The following MSANTD2 variants were observed in gnomAD, a reference collection of about 807,000 sequenced individuals.
MSANTD2 encodes the protein myb/SANT-like DNA-binding domain-containing protein 2.
MSANTD2 carries 19 observed loss-of-function variants against 52.6 expected under a neutral mutation model. The ratio of observed to expected loss-of-function variants is 0.36; its 90% CI spans 0.25 to 0.53. The LOEUF is 0.53. Among genes scored for constraint, MSANTD2 ranks in the 20% least tolerant of loss-of-function variants. The pLI, the probability that MSANTD2 is intolerant of heterozygous loss-of-function variation, is 0.91. For synonymous variants in MSANTD2, 291 were observed against 289.7 expected (o/e 1.00, Z -0.04); for missense variants, 558 against 716.3 (o/e 0.78, Z 2.52).
At position 124,779,558 on chromosome 11, in the gene MSANTD2, T is replaced by C. The variant is rs1186194899; in HGVS notation, c.511-4584A>G. Among the ~76,000 whole-genome samples the C allele has an allele frequency of 6.6e-6, 1 of 152,232 alleles. No homozygotes were observed. The highest frequency in any genetic ancestry group is 1.5e-5 in the Non-Finnish European group (1 of 68,040). ...GAACAGAAATAAGGCATAACAGCTATATAAATGTATTGTTTAGAAAACATT... is the reference window on the plus strand; with the variant it reads ...GAACAGAAATAAGGCATAACAGCTACATAAATGTATTGTTTAGAAAACATT... On this transcript the variant is annotated intron_variant, in intron 1 of 3. Coordinates refer to ENST00000374979, the MANE Select transcript of MSANTD2 (RefSeq NM_001308027.2). The surrounding 1 kb of genome is among the most constrained non-coding windows in gnomAD (Gnocchi z 4.6).
intron 1 of MSANTD2, chr11:124,791,384 C>T (rs748662327): frequency 4.4e-6 from 6 of 1,360,674 alleles, no homozygotes; most frequent in East Asian, 2.3e-5. Flanking sequence ...TCATTACGGG[C>T]TACATCATCA....
At chr11:124,787,932 A>G (rs186330875) in intron 1 of MSANTD2, among the ~76,000 whole-genome samples, 1 of 152,036 alleles carries the variant, frequency 6.6e-6, no homozygotes, top group African/African-American at 2.4e-5. Flanking sequence ...CATCTCTACA[A>G]AAAAATACAA....
At chr11:124,795,220 TGATTCAGAAAAGGCAA>T (rs796701652) in intron 1 of MSANTD2, among the ~76,000 whole-genome samples, 21 of 152,312 alleles carry the variant, frequency 1.4e-4, no homozygotes, top group African/African-American at 5.1e-4. Flanking sequence ...CGACCAGCAC[TGATTCAGAAAAGGCAA>T]GTCTTTTAGG....
At chr11:124,785,165 T>C (rs561281883) in intron 1 of MSANTD2, among the ~76,000 whole-genome samples, 1 of 152,218 alleles carries the variant, frequency 6.6e-6, no homozygotes, top group Non-Finnish European at 1.5e-5. Flanking sequence ...AATGACCATA[T>C]GAAAAAATAT....
chr11:124,790,063 T>C (rs958791297), intron 1 of MSANTD2: 1 of 152,266 alleles, frequency 6.6e-6, no homozygotes, highest in African/African-American at 2.4e-5. Flanking sequence ...ATTACACAGA[T>C]ACAATTTTCC....
chr11:124,798,937 T>C (rs781100753), intron 1 of MSANTD2, among the ~76,000 whole-genome samples: 2 of 152,316 alleles, frequency 1.3e-5, no homozygotes, highest in African/African-American at 4.8e-5. Flanking sequence ...TTAACTAAAA[T>C]ACAACTCCTT....
intron 1 of MSANTD2, chr11:124,791,421 G>A (rs1366177244): frequency 3.8e-6 from 5 of 1,332,868 alleles, no homozygotes; most frequent in Non-Finnish European, 4.3e-6. Context: ...TGTACAGGGT[G>A]AGTGAGAAGC....
At chr11:124,796,259 A>C (rs1032850502) in intron 1 of MSANTD2, among the ~76,000 whole-genome samples, 2 of 152,224 alleles carry the variant, frequency 1.3e-5, no homozygotes, top group Admixed American at 6.5e-5. Flanking sequence ...TGATTCAGGA[A>C]GGTGGTCAGA....
chr11:124,774,347 C>A lies in MSANTD2; in HGVS notation c.766+372G>T, dbSNP rs995632176. ...TGGGCCAAGATATCTTAGCAGTCAT[C>A]TTAGAACTAGAAGGTACAGGATATT... On this transcript the variant is annotated intron_variant, in intron 2 of 3. Transcript: ENST00000374979. The surrounding 1 kb of genome is among the most constrained non-coding windows in gnomAD (Gnocchi z 5.1). Among the ~76,000 whole-genome samples, 3 of 152,204 alleles carry A rather than the reference C, an allele frequency of 2.0e-5. No individual in the cohort carries two copies. The highest frequency in any genetic ancestry group is 4.8e-5 in the African/African-American group (2 of 41,442).
chr11:124,771,997 CACTT>C (rs1266716924), intron 3 of MSANTD2, among the ~76,000 whole-genome samples: 1 of 152,176 alleles, frequency 6.6e-6, no homozygotes, highest in Non-Finnish European at 1.5e-5. Flanking sequence ...ATCAGGGACT[CACTT>C]AAAGCTATTA....
chr11:124,775,332 C>T (rs2135239691), intron 1 of MSANTD2: 1 of 174,410 alleles, frequency 5.7e-6, no homozygotes, highest in African/African-American at 2.4e-5. Context: ...TGCACACCTG[C>T]CACAGAAGAG....
chr11:124,768,873 C>T (rs75781175), intron 3 of MSANTD2, among the ~76,000 whole-genome samples: 6,312 of 152,198 alleles, frequency 0.041, 417 homozygotes, highest in African/African-American at 0.14. Flanking sequence ...TTTTATTTCA[C>T]GGGCTGCTTA....
chr11:124,797,785 C>G (rs1428620763), intron 1 of MSANTD2, among the ~76,000 whole-genome samples: 2 of 152,194 alleles, frequency 1.3e-5, no homozygotes, highest in Non-Finnish European at 2.9e-5. Flanking sequence ...TTGAGGTCAA[C>G]TTGGTTTTAC....
At chr11:124,789,751 C>T (rs886484831) in intron 1 of MSANTD2, 1 of 152,060 alleles carries the variant, frequency 6.6e-6, no homozygotes, top group Non-Finnish European at 1.5e-5. Context: ...TTATTTAGAA[C>T]AATCGGAGGG....
chr11:124,784,391 T>C (rs1218834590), intron 1 of MSANTD2: 3 of 985,170 alleles, frequency 3.0e-6, no homozygotes, highest in South Asian at 9.4e-5. Context: ...ATTTCTGGCA[T>C]AGCAGGGGAG....
At chr11:124,783,635 A>G (rs1184716434) in intron 1 of MSANTD2, 7 of 752,630 alleles carry the variant, frequency 9.3e-6, no homozygotes, top group Non-Finnish European at 1.1e-5. Flanking sequence ...ATAAAAATAA[A>G]AAATAAAAGA....
intron 1 of MSANTD2, among the ~76,000 whole-genome samples, chr11:124,796,467 A>G (rs1476368412): frequency 6.6e-6 from 1 of 152,056 alleles, no homozygotes; most frequent in Non-Finnish European, 1.5e-5. Context: ...AGGTCTCACT[A>G]TGTTGCCCAA....
intron 1 of MSANTD2, chr11:124,791,624 C>T: frequency 1.4e-6 from 2 of 1,478,068 alleles, no homozygotes; most frequent in Non-Finnish European, 1.9e-6. Flanking sequence ...GGATCGGCAG[C>T]TTCCATCCTT....
chr11:124,773,055 CT>C lies in MSANTD2; in HGVS notation c.767-2del. On this transcript the variant is annotated splice_acceptor_variant, in intron 2 of 3. Coordinates refer to ENST00000374979, the MANE Select transcript of MSANTD2 (RefSeq NM_001308027.2). LOFTEE classifies it high-confidence loss of function. ...GTTCTCTTTGTGACAGGTATTTCAT[CT>C]GAAAAGCAAAGATTTTGAAAAAAGT... is the stretch of plus-strand genomic sequence containing the variant. The C allele has an allele frequency of 1.3e-6, 2 of 1,580,528 alleles. No homozygotes were observed. Among genetic ancestry groups the C allele is most frequent in the Non-Finnish European group, 1.7e-6 (2 of 1,150,332 alleles).
Sources: allele counts gnomAD v4.1 joint callset (sites outside exome capture counted in the v4.1 genomes callset), GRCh38; gene constraint gnomAD v4.1.1; non-coding constraint Gnocchi (gnomAD v3.1); transcripts MANE v1.5; gene names NCBI Gene and HGNC (gene_info 2026-07-23, HGNC 2026-07-21).